The following GBE1 variants were observed in gnomAD, a reference collection of about 807,000 sequenced individuals.
GBE1 encodes the protein 1,4-alpha-glucan-branching enzyme.
Under a neutral mutation model 88.8 loss-of-function variants are expected in GBE1, and 70 were observed. The observed-to-expected ratio is 0.79, with a 90% CI of 0.65 to 0.96. The LOEUF (loss-of-function observed/expected upper bound fraction) is 0.96, where lower values mean the gene tolerates loss of function less well. Ranked by LOEUF, GBE1 falls within the 40% of genes least tolerant of loss-of-function variation. The pLI is 0.00. For missense variants in GBE1, 872 were observed against 871.0 expected (o/e 1.00, Z -0.01); for synonymous variants, 284 against 300.1 (o/e 0.95, Z 0.56).
intron 14 of GBE1, among the ~76,000 whole-genome samples, chr3:81,511,867 GAA>G (rs35931209): frequency 2.0e-4 from 23 of 112,412 alleles, no homozygotes; most frequent in Non-Finnish European, 2.0e-4. Flanking sequence ...TGTCCTACAA[GAA>G]AAAAAAAAAA....
At chr3:81,757,076 G>A (rs979733609) in intron 1 of GBE1, among the ~76,000 whole-genome samples, 8 of 152,094 alleles carry the variant, frequency 5.3e-5, no homozygotes, top group African/African-American at 1.9e-4. Flanking sequence ...AATTTCTTGT[G>A]TGTGGACAAA....
intron 7 of GBE1, 176 bp downstream of exon 7, chr3:81,642,605 C>T (rs989067399): frequency 7.7e-6 from 4 of 519,618 alleles, no homozygotes; most frequent in African/African-American, 6.0e-5. Flanking sequence ...ATGAAATATA[C>T]CACAAATACA....
At chr3:81,606,335 A>T (rs1407381033) in intron 7 of GBE1, among the ~76,000 whole-genome samples, 1 of 152,258 alleles carries the variant, frequency 6.6e-6, no homozygotes, top group African/African-American at 2.4e-5. Flanking sequence ...GGAATTGCTA[A>T]AACCATGCAC....
intron 2 of GBE1, among the ~76,000 whole-genome samples, chr3:81,699,082 G>A (rs1438768467): frequency 2.0e-5 from 3 of 152,038 alleles, no homozygotes; most frequent in Admixed American, 1.3e-4. Flanking sequence ...CTTGTAGTTC[G>A]CTATCACTTT....
At chr3:81,513,108 G>A (rs1702747523) in intron 14 of GBE1, among the ~76,000 whole-genome samples, 1 of 151,588 alleles carries the variant, frequency 6.6e-6, no homozygotes, top group African/African-American at 2.4e-5. Context: ...AGGTCAAGGT[G>A]GGGAGAATCA....
chr3:81,729,822 T>C (rs923597763), intron 1 of GBE1, among the ~76,000 whole-genome samples: 12 of 152,120 alleles, frequency 7.9e-5, no homozygotes, highest in African/African-American at 2.2e-4. Flanking sequence ...CACCATGTTC[T>C]TCCCCTCACC....
chr3:81,678,176 C>T (rs1213953254), intron 2 of GBE1, among the ~76,000 whole-genome samples: 1 of 152,158 alleles, frequency 6.6e-6, no homozygotes, highest in African/African-American at 2.4e-5. Flanking sequence ...TCCTAGACTA[C>T]AAACCTGTAT....
intron 7 of GBE1, among the ~76,000 whole-genome samples, chr3:81,618,739 A>G (rs1704284294): frequency 6.6e-6 from 1 of 151,986 alleles, no homozygotes; most frequent in Non-Finnish European, 1.5e-5. Flanking sequence ...ATTTAGGCCA[A>G]CTCTCATTTT....
At chr3:81,729,538 CAG>C (rs1392441995) in intron 1 of GBE1, among the ~76,000 whole-genome samples, 3 of 152,172 alleles carry the variant, frequency 2.0e-5, no homozygotes, top group Non-Finnish European at 4.4e-5. Context: ...TTCTGGCAAA[CAG>C]GGCATAATCT....
At chr3:81,567,098 C>T (rs941930102) in intron 12 of GBE1, among the ~76,000 whole-genome samples, 9 of 152,190 alleles carry the variant, frequency 5.9e-5, no homozygotes, top group African/African-American at 2.2e-4. Flanking sequence ...TCCATTCTGG[C>T]TCTCACGCTC....
chr3:81,574,454 T>C (rs1015675286), intron 12 of GBE1, among the ~76,000 whole-genome samples: 1 of 152,206 alleles, frequency 6.6e-6, no homozygotes, highest in African/African-American at 2.4e-5. Context: ...GCATAGTTGA[T>C]GCATCTTACC....
chr3:81,494,377 C>T (rs1358734504), intron 15 of GBE1, among the ~76,000 whole-genome samples: 1 of 152,044 alleles, frequency 6.6e-6, no homozygotes, highest in African/African-American at 2.4e-5. Flanking sequence ...TAAGTATTGG[C>T]TCTGTAATTC....
chr3:81,512,668 A>G (rs1336403450), intron 14 of GBE1, among the ~76,000 whole-genome samples: 2 of 151,912 alleles, frequency 1.3e-5, no homozygotes. Flanking sequence ...ACATTTATTC[A>G]ATGACTAGAA....
At chr3:81,643,711 T>C (rs1426722867) in intron 6 of GBE1, among the ~76,000 whole-genome samples, 2 of 152,204 alleles carry the variant, frequency 1.3e-5, no homozygotes, top group Non-Finnish European at 2.9e-5. Flanking sequence ...CTCGACTATA[T>C]GCTCCTTGAG....
In GBE1 at chr3:81,651,156, T is replaced by A. The variant is rs569651467; in HGVS notation, c.430-1235A>T. Among the ~76,000 whole-genome samples the A allele has an allele frequency of 8.4e-4, 128 of 152,344 alleles. 3 individuals carry two copies. In the South Asian group the frequency reaches 0.026, roughly 31 times the overall value. Reference sequence around the variant, plus strand: ...CTCACAATTCTTAGTAATTAAATATTTGTATAATGCCTTATAGTTTATAAA... The same window carrying A: ...CTCACAATTCTTAGTAATTAAATATATGTATAATGCCTTATAGTTTATAAA... On this transcript the variant is annotated intron_variant, in intron 3 of 15. Transcript: ENST00000429644.
chr3:81,492,361 T>C (rs1702447734), intron 15 of GBE1, among the ~76,000 whole-genome samples: 1 of 152,000 alleles, frequency 6.6e-6, no homozygotes, highest in East Asian at 1.9e-4. Flanking sequence ...GAAGCTGGAG[T>C]TATCCACGAA....
chr3:81,602,162 A>G (rs192046534), intron 7 of GBE1, among the ~76,000 whole-genome samples: 1 of 152,316 alleles, frequency 6.6e-6, no homozygotes, highest in East Asian at 1.9e-4. Context: ...AAATTGGACA[A>G]TATAACACTC....
intron 5 of GBE1, among the ~76,000 whole-genome samples, chr3:81,648,032 T>C (rs1255152617): frequency 6.6e-6 from 1 of 152,058 alleles, no homozygotes; most frequent in Non-Finnish European, 1.5e-5. Context: ...TTATAATTAA[T>C]ACTAAATACT....
chr3:81,645,459 T>C (rs1461646624), intron 6 of GBE1, among the ~76,000 whole-genome samples: 2 of 152,132 alleles, frequency 1.3e-5, no homozygotes, highest in Non-Finnish European at 2.9e-5. Context: ...CTCAACAATG[T>C]GAAGGTCACT....
Sources: gnomAD v4.1 joint callset for allele counts (sites outside exome capture counted in the v4.1 genomes callset) on GRCh38, gnomAD v4.1.1 for gene constraint, MANE v1.5 for transcripts, NCBI Gene and HGNC (gene_info 2026-07-23, HGNC 2026-07-21) for gene names.